Variants in KCNH7 observed in about 807,000 individuals in gnomAD.
KCNH7 encodes the protein voltage-gated inwardly rectifying potassium channel KCNH7.
A neutral mutation model predicts 120.8 loss-of-function variants in KCNH7; 49 were observed. That is an observed-to-expected ratio of 0.41 (90% CI 0.32 to 0.51). The LOEUF is 0.51. Among genes scored for constraint, KCNH7 ranks in the 20% least tolerant of loss-of-function variants. The pLI is 0.38. For missense variants in KCNH7, 1,097 were observed against 1,446.6 expected, an observed-to-expected ratio of 0.76 and a Z score of 3.92; for synonymous variants, 547 against 516.1, an observed-to-expected ratio of 1.06 and a Z score of -0.81.
intron 2 of KCNH7, among the ~76,000 whole-genome samples, chr2:162,546,687 C>T (rs2105848010): frequency 1.3e-5 from 2 of 152,120 alleles, no homozygotes; most frequent in Admixed American, 1.3e-4. Flanking sequence ...AGCTTTGGAG[C>T]AGGGAGTTAC....
In KCNH7 at chr2:162,497,402, T is replaced by C. The variant is rs1301562480; in HGVS notation, c.1128+7041A>G. Among the ~76,000 whole-genome samples the C allele has an allele frequency of 2.0e-5, 3 of 152,066 alleles. No individual in the cohort carries two copies. In the East Asian group the frequency reaches 5.8e-4, roughly 29 times the overall value. On this transcript the variant is annotated intron_variant, in intron 6 of 15. Coordinates refer to ENST00000332142, the MANE Select transcript of KCNH7 (RefSeq NM_033272.4). The stretch of plus-strand genomic sequence containing the variant: ...TCTGAAATCAGCATAAAGTAGATGG[T>C]ATATAAATTTAAACAAGAGACCGTG...
intron 2 of KCNH7, among the ~76,000 whole-genome samples, chr2:162,702,443 G>A (rs1006551844): frequency 7.9e-5 from 12 of 152,016 alleles, no homozygotes; most frequent in African/African-American, 2.2e-4. Context: ...AATATAATGC[G>A]TTATCACTTT....
chr2:162,387,287 A>G (rs1322458970), intron 12 of KCNH7, among the ~76,000 whole-genome samples: 1 of 150,336 alleles, frequency 6.7e-6, no homozygotes, highest in African/African-American at 2.4e-5. Context: ...TGAAATGACA[A>G]TCTATTTGTA....
At chr2:162,680,923 T>G (rs2105312174) in intron 2 of KCNH7, among the ~76,000 whole-genome samples, 1 of 151,914 alleles carries the variant, frequency 6.6e-6, no homozygotes, top group Admixed American at 6.6e-5. Context: ...GAGTAGAGCA[T>G]GACTGAGGGT....
At chr2:162,467,864 G>A (rs1472108125) in intron 6 of KCNH7, among the ~76,000 whole-genome samples, 1 of 152,114 alleles carries the variant, frequency 6.6e-6, no homozygotes. Context: ...ATCTGGTGAG[G>A]GCCTGATTTC....
At chr2:162,660,549 C>A (rs1684922603) in intron 2 of KCNH7, among the ~76,000 whole-genome samples, 1 of 152,002 alleles carries the variant, frequency 6.6e-6, no homozygotes, top group Non-Finnish European at 1.5e-5. Flanking sequence ...TGGTGAATGT[C>A]CCATGTGAAC....
chr2:162,835,409 T>G (rs1368203632), intron 2 of KCNH7, among the ~76,000 whole-genome samples: 2 of 152,194 alleles, frequency 1.3e-5, no homozygotes, highest in East Asian at 3.9e-4. Flanking sequence ...AGTCATTATA[T>G]GATATAGGCT....
At chr2:162,564,551 A>G (rs981841) in intron 2 of KCNH7, among the ~76,000 whole-genome samples, 78,576 of 151,920 alleles carry the variant, frequency 0.52, 20,564 homozygotes, top group Middle Eastern at 0.62. Context: ...TCTTTCTTGG[A>G]AAACCTTGGG....
At chr2:162,465,793 C>A (rs1287557920) in intron 6 of KCNH7, among the ~76,000 whole-genome samples, 1 of 152,036 alleles carries the variant, frequency 6.6e-6, no homozygotes, top group East Asian at 1.9e-4. Context: ...CTCCTTTATC[C>A]CATTTTTATT....
At chr2:162,409,141 G>A (rs1196516640) in intron 9 of KCNH7, among the ~76,000 whole-genome samples, 2 of 151,502 alleles carry the variant, frequency 1.3e-5, no homozygotes, top group African/African-American at 4.8e-5. Flanking sequence ...TACATCTAAG[G>A]GCTAATTCCG....
intron 9 of KCNH7, among the ~76,000 whole-genome samples, chr2:162,421,871 A>G (rs547320886): frequency 6.6e-6 from 1 of 152,310 alleles, no homozygotes; most frequent in South Asian, 2.1e-4. Context: ...ATCTGGCAGT[A>G]TGGAACAACA....
intron 2 of KCNH7, among the ~76,000 whole-genome samples, chr2:162,685,792 G>A (rs554297525): frequency 6.6e-6 from 1 of 151,650 alleles, no homozygotes; most frequent in East Asian, 1.9e-4. Context: ...AAATGTGTCA[G>A]GTCCTGGCCT....
intron 9 of KCNH7, among the ~76,000 whole-genome samples, chr2:162,401,991 T>A (rs75347320): frequency 2.4e-4 from 37 of 151,806 alleles, no homozygotes; most frequent in African/African-American, 8.7e-4. Context: ...GAACTCAGGT[T>A]TTCATCCTGA....
Position 162,602,688 on chromosome 2 carries a change from AT to A in KCNH7, c.308-65609del, listed in dbSNP as rs1279806483. 5.9e-5 allele frequency among the ~76,000 whole-genome samples: 9 copies of A among 151,844 alleles called. No homozygotes were observed. In the South Asian group the frequency reaches 1.3e-3, roughly 21 times the overall value. On this transcript the variant is annotated intron_variant, in intron 2 of 15. Transcript: ENST00000332142. The stretch of plus-strand genomic sequence containing the variant: ...TATAATATTCCAATACTAGTTATCC[AT>A]TTTTTTCTGAAGTTTTTATAACTCC...
chr2:162,562,702 G>A (rs1693116458), intron 2 of KCNH7, among the ~76,000 whole-genome samples: 1 of 152,178 alleles, frequency 6.6e-6, no homozygotes, highest in Non-Finnish European at 1.5e-5. Flanking sequence ...CCACCAAAGA[G>A]AAGCAGCTTG....
intron 10 of KCNH7, among the ~76,000 whole-genome samples, chr2:162,398,031 G>T (rs1686963005): frequency 6.6e-6 from 1 of 151,704 alleles, no homozygotes; most frequent in South Asian, 2.1e-4. Context: ...TGGCCACTTA[G>T]ATTTTTCTGT....
chr2:162,421,593 AT>A (rs1687710846), intron 9 of KCNH7, among the ~76,000 whole-genome samples: 1 of 152,178 alleles, frequency 6.6e-6, no homozygotes, highest in South Asian at 2.1e-4. Flanking sequence ...TTACACGATA[AT>A]TAAATTGGAT....
At chr2:162,545,479 G>T (rs1692448207) in intron 2 of KCNH7, among the ~76,000 whole-genome samples, 1 of 152,106 alleles carries the variant, frequency 6.6e-6, no homozygotes, top group African/African-American at 2.4e-5. Context: ...GGGAGGAACT[G>T]CAGGGAACAA....
intron 2 of KCNH7, among the ~76,000 whole-genome samples, chr2:162,817,730 C>A (rs115113599): frequency 2.0e-3 from 298 of 152,208 alleles, no homozygotes; most frequent in South Asian, 3.3e-3. Context: ...TTGGTGTTCT[C>A]AGTCTTTTCA....
Sources: gnomAD v4.1 joint callset for allele counts (sites outside exome capture counted in the v4.1 genomes callset) on GRCh38, gnomAD v4.1.1 for gene constraint, MANE v1.5 for transcripts, NCBI Gene and HGNC (gene_info 2026-07-23, HGNC 2026-07-21) for gene names.